Variants in BABAM2 observed in about 807,000 individuals in gnomAD.
The protein encoded by BABAM2 is BRISC and BRCA1 A complex member 2.
Under a neutral mutation model 54.7 loss-of-function variants are expected in BABAM2, and 31 were observed. The ratio of observed to expected loss-of-function variants is 0.57; its 90% CI spans 0.43 to 0.77. BABAM2 has a LOEUF of 0.77. Among genes scored for constraint, BABAM2 ranks in the 30% least tolerant of loss-of-function variants. BABAM2 has a pLI of 0.00. For missense variants in BABAM2, 364 were observed against 455.8 expected (o/e 0.80, Z 1.83); for synonymous variants, 167 against 162.9 (o/e 1.03, Z -0.19).
chr2:27,972,675 A>T (rs1671301041), intron 3 of BABAM2, among the ~76,000 whole-genome samples: 2 of 152,052 alleles, frequency 1.3e-5, no homozygotes, highest in South Asian at 4.1e-4. Flanking sequence ...GATAACTTTT[A>T]TATTGATGAC....
intron 6 of BABAM2, among the ~76,000 whole-genome samples, chr2:28,058,687 C>A (rs1016238730): frequency 1.3e-5 from 2 of 152,022 alleles, no homozygotes; most frequent in African/African-American, 4.8e-5. Flanking sequence ...CGGTGCTACC[C>A]AAAGTGCATC....
intron 3 of BABAM2, among the ~76,000 whole-genome samples, chr2:27,982,436 T>G (rs1231405205): frequency 2.0e-5 from 3 of 152,136 alleles, no homozygotes; most frequent in African/African-American, 7.2e-5. Context: ...GTTATAAAGA[T>G]TTATTCTTAT....
chr2:28,022,683 G>A (rs1251039583), intron 4 of BABAM2, among the ~76,000 whole-genome samples: 1 of 152,018 alleles, frequency 6.6e-6, no homozygotes, highest in Admixed American at 6.6e-5. Flanking sequence ...CTTCCTTCAA[G>A]CATTACCAAA....
intron 4 of BABAM2, among the ~76,000 whole-genome samples, chr2:28,023,255 G>C (rs895922615): frequency 1.3e-5 from 2 of 152,080 alleles, no homozygotes; most frequent in Non-Finnish European, 2.9e-5. Flanking sequence ...AAATAACTAA[G>C]GAGAAATGAC....
rs184486048 is a variant in BABAM2, at chr2:28,269,802, G to A, written c.934+24940G>A. ...TGTGGAAAGATTAGAAACAAACTGA[G>A]GCTATTCAATAGAAATAATCTTGAG... On this transcript the variant is annotated intron_variant, in intron 10 of 11. Coordinates refer to ENST00000379624, the MANE Select transcript of BABAM2 (RefSeq NM_199191.3). Among the ~76,000 whole-genome samples, 96 of 152,194 alleles carry A rather than the reference G, an allele frequency of 6.3e-4. 1 individual carries two copies. The highest frequency in any genetic ancestry group is 3.4e-3 in the Admixed American group (52 of 15,294).
At chr2:27,953,630 A>G (rs1669900551) in intron 3 of BABAM2, among the ~76,000 whole-genome samples, 1 of 151,496 alleles carries the variant, frequency 6.6e-6, no homozygotes, top group South Asian at 2.1e-4. Flanking sequence ...TAATATCATT[A>G]CCAACGATCT....
rs868762567 is a variant in BABAM2 at position 27,995,725 on chromosome 2, G to A, written c.300+7638G>A. Among the ~76,000 whole-genome samples, 4 of 151,838 alleles carry A rather than the reference G, an allele frequency of 2.6e-5. No individual in the cohort carries two copies. Among genetic ancestry groups the A allele is most frequent in the African/African-American group, 4.8e-5 (2 of 41,312 alleles). ...CTCCCGAGTAGCTGGGACTACAGGC[G>A]CCCGCCACCACACCTGGCTAGTTTT... On this transcript the variant is annotated intron_variant, in intron 4 of 11. Transcript: ENST00000379624. This position sits in a 1 kb window ranked among gnomAD's most constrained non-coding sequence, Gnocchi z 4.1.
At chr2:28,069,532 T>C (rs1042690590) in intron 6 of BABAM2, among the ~76,000 whole-genome samples, 1 of 152,184 alleles carries the variant, frequency 6.6e-6, no homozygotes, top group African/African-American at 2.4e-5. Context: ...TCTAGAGAGC[T>C]TAGTTCTTCC....
chr2:27,913,776 CT>C (rs542375329), intron 2 of BABAM2, among the ~76,000 whole-genome samples: 3 of 152,062 alleles, frequency 2.0e-5, no homozygotes, highest in Non-Finnish European at 4.4e-5. Context: ...TAAAGATCAC[CT>C]TTTTTTGATG....
intron 7 of BABAM2, among the ~76,000 whole-genome samples, chr2:28,222,976 G>A (rs571502625): frequency 6.6e-6 from 1 of 152,260 alleles, no homozygotes; most frequent in South Asian, 2.1e-4. Context: ...TATTGTGGCT[G>A]TTTTGAATCA....
At chr2:28,275,197 A>G (rs1685770151) in intron 10 of BABAM2, among the ~76,000 whole-genome samples, 2 of 152,228 alleles carry the variant, frequency 1.3e-5, no homozygotes, top group Non-Finnish European at 2.9e-5. Flanking sequence ...TCACGTGGCC[A>G]TTTGGATGAA....
intron 10 of BABAM2, among the ~76,000 whole-genome samples, chr2:28,279,824 G>A (rs1001675968): frequency 2.0e-5 from 3 of 151,760 alleles, no homozygotes; most frequent in African/African-American, 4.8e-5. Context: ...GCGCCACCAC[G>A]CCTGGCTAAT....
chr2:28,217,431 G>C (rs1248704281), intron 7 of BABAM2, among the ~76,000 whole-genome samples: 1 of 152,228 alleles, frequency 6.6e-6, no homozygotes, highest in Non-Finnish European at 1.5e-5. Context: ...CAGTTGAACT[G>C]TAAGGAAGGG....
chr2:28,091,993 A>G (rs1666195033), intron 6 of BABAM2, among the ~76,000 whole-genome samples: 1 of 152,126 alleles, frequency 6.6e-6, no homozygotes, highest in Non-Finnish European at 1.5e-5. Context: ...AACTCTTTGT[A>G]CCAAAATCTA....
chr2:27,951,737 C>G (rs1395223736), intron 3 of BABAM2, among the ~76,000 whole-genome samples: 2 of 151,998 alleles, frequency 1.3e-5, no homozygotes, highest in Non-Finnish European at 1.5e-5. Flanking sequence ...TATTGGGGAA[C>G]AGGTGATGTT....
intron 3 of BABAM2, among the ~76,000 whole-genome samples, chr2:27,937,439 T>C (rs1668567168): frequency 1.3e-5 from 2 of 152,220 alleles, no homozygotes; most frequent in Admixed American, 6.5e-5. Flanking sequence ...TTTTTGAATA[T>C]TTTTGATCAA....
chr2:28,226,293 G>A (rs1016597931), intron 7 of BABAM2, among the ~76,000 whole-genome samples: 7 of 152,046 alleles, frequency 4.6e-5, no homozygotes, highest in African/African-American at 1.7e-4. Context: ...TTCCAAGACC[G>A]TTAAACTCTT....
Position 28,286,024 on chromosome 2 carries a change from C to T in BABAM2, c.935-12314C>T, listed in dbSNP as rs979424728. ...AGGCTGGAGTGCAGTGGTACAATCT[C>T]GGCTCACTGCAACCTCTACCTCCTG... is the stretch of plus-strand genomic sequence containing the variant. On this transcript the variant is annotated intron_variant, in intron 10 of 11. Coordinates refer to ENST00000379624, the MANE Select transcript of BABAM2 (RefSeq NM_199191.3). Among the ~76,000 whole-genome samples the T allele has an allele frequency of 4.7e-5, 7 of 150,250 alleles. No homozygotes were observed. In the South Asian group the frequency reaches 8.4e-4, roughly 18 times the overall value.
At chr2:28,048,713 G>T (rs1200535662) in intron 6 of BABAM2, among the ~76,000 whole-genome samples, 1 of 152,188 alleles carries the variant, frequency 6.6e-6, no homozygotes, top group African/African-American at 2.4e-5. Flanking sequence ...TTCTCAACTG[G>T]TGTGTTTATG....
Sources: gnomAD v4.1 joint callset for allele counts (sites outside exome capture counted in the v4.1 genomes callset) on GRCh38, gnomAD v4.1.1 for gene constraint, Gnocchi (gnomAD v3.1) non-coding constraint, MANE v1.5 for transcripts, NCBI Gene and HGNC (gene_info 2026-07-23, HGNC 2026-07-21) for gene names.